The following PDE1A variants were observed in gnomAD, a reference collection of about 807,000 sequenced individuals.
The protein encoded by PDE1A is phosphodiesterase 1A, also known as dual specificity calcium/calmodulin-dependent 3',5'-cyclic nucleotide phosphodiesterase 1A.
Under a neutral mutation model 61.7 loss-of-function variants are expected in PDE1A, and 35 were observed. The observed-to-expected ratio is 0.57, with a 90% CI of 0.43 to 0.75. The LOEUF (loss-of-function observed/expected upper bound fraction) is 0.75. Ranked by LOEUF, PDE1A falls within the 30% of genes least tolerant of loss-of-function variation. The pLI, the probability that PDE1A is intolerant of heterozygous loss-of-function variation, is 0.00. For synonymous variants in PDE1A, 232 were observed against 213.2 expected (o/e 1.09, Z -0.77); for missense variants, 597 against 630.6 (o/e 0.95, Z 0.57).
At chr2:182,326,945 T>C (rs1175887596) in intron 1 of PDE1A, among the ~76,000 whole-genome samples, 1 of 152,182 alleles carries the variant, frequency 6.6e-6, no homozygotes, top group African/African-American at 2.4e-5. Context: ...AACAAGATAT[T>C]ATCTCTGTGC....
intron 2 of PDE1A, among the ~76,000 whole-genome samples, chr2:182,257,243 C>G (rs191361846): frequency 1.8e-4 from 28 of 152,258 alleles, no homozygotes; most frequent in African/African-American, 6.5e-4. Flanking sequence ...CCAATTTTAT[C>G]CCCTCCCTTG....
At chr2:182,480,968 C>T (rs548369803) in intron 2 of PDE1A, among the ~76,000 whole-genome samples, 14 of 151,960 alleles carry the variant, frequency 9.2e-5, no homozygotes, top group African/African-American at 3.1e-4. Flanking sequence ...TCTCCAGGTT[C>T]CAAGGATCTG....
At chr2:182,667,607 T>C in the PDE1A span, among the ~76,000 whole-genome samples, 4 of 152,230 alleles carry the variant, frequency 2.6e-5, no homozygotes, top group African/African-American at 9.6e-5. Context: ...TTCGAAGTCT[T>C]TGGAGTCCTA....
chr2:182,304,427 A>C (rs1695448287), intron 1 of PDE1A, among the ~76,000 whole-genome samples: 1 of 152,194 alleles, frequency 6.6e-6, no homozygotes, highest in Admixed American at 6.5e-5. Context: ...CTAGAGTAGC[A>C]CTGTTAATTT....
chr2:182,235,103 T>C (rs1689903340), intron 3 of PDE1A, among the ~76,000 whole-genome samples: 1 of 152,214 alleles, frequency 6.6e-6, no homozygotes, highest in African/African-American at 2.4e-5. Flanking sequence ...TCCATAATAG[T>C]ATCAATAACA....
At chr2:182,217,920 T>C (rs974664391) in intron 7 of PDE1A, among the ~76,000 whole-genome samples, 2 of 151,978 alleles carry the variant, frequency 1.3e-5, no homozygotes, top group Non-Finnish European at 2.9e-5. Context: ...CATTACTGGG[T>C]ATATACCCAA....
the PDE1A span, among the ~76,000 whole-genome samples, chr2:182,628,747 G>T: frequency 2.6e-5 from 4 of 151,744 alleles, no homozygotes; most frequent in East Asian, 7.8e-4. Context: ...TTTTGATTTG[G>T]CTTTGGTCTT....
At chr2:182,394,241 G>A (rs546190604) in intron 1 of PDE1A, among the ~76,000 whole-genome samples, 24 of 152,164 alleles carry the variant, frequency 1.6e-4, no homozygotes, top group African/African-American at 4.6e-4. Context: ...GTTAGGTTGC[G>A]GGGGGCCTCA....
chr2:182,336,524 A>C (rs1559350592), intron 1 of PDE1A, among the ~76,000 whole-genome samples: 2 of 152,156 alleles, frequency 1.3e-5, no homozygotes, highest in Admixed American at 1.3e-4. Flanking sequence ...AGGAACAGAA[A>C]ACCAAACACC....
At chr2:182,595,066 T>C in the PDE1A span, among the ~76,000 whole-genome samples, 4 of 152,334 alleles carry the variant, frequency 2.6e-5, no homozygotes, top group African/African-American at 9.6e-5. Flanking sequence ...GTTACTTTTT[T>C]TCTTCTAGAA....
chr2:182,361,836 G>A (rs1439797053), intron 1 of PDE1A, among the ~76,000 whole-genome samples: 2 of 151,926 alleles, frequency 1.3e-5, no homozygotes, highest in Admixed American at 1.3e-4. Context: ...GGTAACATAA[G>A]GGAACCAAAA....
chr2:182,601,389 A>C, the PDE1A span, among the ~76,000 whole-genome samples: 1 of 152,216 alleles, frequency 6.6e-6, no homozygotes, highest in East Asian at 1.9e-4. Flanking sequence ...AGATTCCAAA[A>C]ACCATAGGGC....
chr2:182,498,807 G>GTA (rs1559516682), intron 2 of PDE1A, among the ~76,000 whole-genome samples: 1 of 151,974 alleles, frequency 6.6e-6, no homozygotes, highest in Admixed American at 6.5e-5. Flanking sequence ...AGCCGGACGC[G>GTA]GTGGCGGGCG....
At chr2:182,306,533 T>C (rs990836737) in intron 1 of PDE1A, among the ~76,000 whole-genome samples, 35 of 151,700 alleles carry the variant, frequency 2.3e-4, no homozygotes, top group Non-Finnish European at 4.7e-4. Flanking sequence ...AAAGAACAAA[T>C]CTGAAGACAC....
At chr2:182,278,603 G>T (rs1693598026) in intron 1 of PDE1A, among the ~76,000 whole-genome samples, 1 of 151,900 alleles carries the variant, frequency 6.6e-6, no homozygotes, top group South Asian at 2.1e-4. Context: ...TGTTGTTTAT[G>T]TATTATGGAC....
intron 4 of PDE1A, among the ~76,000 whole-genome samples, chr2:182,233,150 A>G (rs903168205): frequency 6.6e-6 from 1 of 152,222 alleles, no homozygotes; most frequent in African/African-American, 2.4e-5. Flanking sequence ...AAAAATGAGT[A>G]ATTTTCTTGC....
At chr2:182,469,861 A>C (rs2125801264) in intron 2 of PDE1A, among the ~76,000 whole-genome samples, 1 of 151,976 alleles carries the variant, frequency 6.6e-6, no homozygotes, top group East Asian at 1.9e-4. Context: ...AGGGAGGCTA[A>C]GGAGAGGAAG....
chr2:182,343,615 T>C (rs1434582359), intron 1 of PDE1A, among the ~76,000 whole-genome samples: 1 of 152,250 alleles, frequency 6.6e-6, no homozygotes, highest in African/African-American at 2.4e-5. Flanking sequence ...TATACAGGTC[T>C]ATGTCTTCTA....
the PDE1A span, among the ~76,000 whole-genome samples, chr2:182,603,280 C>G: frequency 1.5e-3 from 230 of 152,300 alleles, no homozygotes; most frequent in Non-Finnish European, 2.9e-3. Context: ...AATGGTATAA[C>G]TGAGACCACA....
Sources: allele counts gnomAD v4.1 joint callset (sites outside exome capture counted in the v4.1 genomes callset), GRCh38; gene constraint gnomAD v4.1.1; transcripts MANE v1.5; gene names NCBI Gene and HGNC (gene_info 2026-07-23, HGNC 2026-07-21).